Variants in ADAMTSL3 observed in about 807,000 individuals in gnomAD.
The protein encoded by ADAMTSL3 is ADAMTS-like protein 3.
ADAMTSL3 carries 128 observed loss-of-function variants against 201.7 expected under a neutral mutation model. The ratio of observed to expected loss-of-function variants is 0.63; its 90% CI spans 0.55 to 0.73. The LOEUF (loss-of-function observed/expected upper bound fraction) is 0.73, where lower values mean the gene tolerates loss of function less well. Among genes scored for constraint, ADAMTSL3 ranks in the 30% least tolerant of loss-of-function variants. The pLI is 0.00. For synonymous variants in ADAMTSL3, 738 were observed against 748.4 expected (o/e 0.99, Z 0.23); for missense variants, 1,990 against 2,119.6 (o/e 0.94, Z 1.20).
At chr15:84,036,579 A>G (rs1596563678) in intron 28 of ADAMTSL3, among the ~76,000 whole-genome samples, 194 bp from the exon 29 acceptor site, 2 of 152,192 alleles carry the variant, frequency 1.3e-5, no homozygotes, top group African/African-American at 4.8e-5. Flanking sequence ...ACTCCACCCC[A>G]GGTGGTGGAG....
intron 19 of ADAMTSL3, among the ~76,000 whole-genome samples, chr15:83,955,384 C>G (rs2066840184): frequency 6.6e-6 from 1 of 152,108 alleles, no homozygotes; most frequent in African/African-American, 2.4e-5. Flanking sequence ...GTGAATGCTG[C>G]CAAACCTGGG....
intron 3 of ADAMTSL3, among the ~76,000 whole-genome samples, chr15:83,773,062 C>T (rs2063010318): frequency 6.6e-6 from 1 of 152,126 alleles, no homozygotes; most frequent in African/African-American, 2.4e-5. Context: ...CATGTGTCAA[C>T]TGCTTTTCAT....
intron 9 of ADAMTSL3, 36 bp from the exon 10 acceptor site, chr15:83,885,065 G>T: frequency 6.9e-7 from 1 of 1,443,986 alleles, no homozygotes; most frequent in African/African-American, 1.4e-5. Flanking sequence ...CTAGCTCCTT[G>T]TTTGCACGTG....
At chr15:84,014,405 A>C (rs1292967116) in intron 23 of ADAMTSL3, 137 bp from the exon 24 acceptor site, 2 of 783,810 alleles carry the variant, frequency 2.6e-6, no homozygotes, top group African/African-American at 3.5e-5. Flanking sequence ...AGAAATAGAA[A>C]TAGCCATTTT....
chr15:83,945,129 A>C (rs1363104178), intron 19 of ADAMTSL3, among the ~76,000 whole-genome samples: 1 of 152,150 alleles, frequency 6.6e-6, no homozygotes, highest in East Asian at 1.9e-4. Context: ...AGATGAACCC[A>C]TCTCTCCAGG....
chr15:83,829,990 G>T (rs1447657933), intron 6 of ADAMTSL3, among the ~76,000 whole-genome samples: 1 of 152,196 alleles, frequency 6.6e-6, no homozygotes, highest in African/African-American at 2.4e-5. Context: ...GTGCTGAGAA[G>T]AATGTATATT....
At chr15:83,782,013 A>G (rs2063177626) in intron 4 of ADAMTSL3, among the ~76,000 whole-genome samples, 1 of 152,206 alleles carries the variant, frequency 6.6e-6, no homozygotes, top group African/African-American at 2.4e-5. Context: ...CAGTGTAGTG[A>G]CTGCTCAGAG....
chr15:84,037,943 C>T lies in ADAMTSL3; in HGVS notation c.*137C>T. The T allele has an allele frequency of 2.3e-6, 3 of 1,300,028 alleles. No individual in the cohort carries two copies. Among genetic ancestry groups the T allele is most frequent in the South Asian group, 3.5e-5 (2 of 57,218 alleles). 80.5% of individuals were successfully genotyped at this position (1,300,028 alleles called of 1,614,324 possible). A position where few individuals can be genotyped will look rare whatever the true frequency, so the allele number is the denominator to read the frequency against. On this transcript the variant is annotated 3_prime_UTR_variant, in exon 30 of 30. Coordinates refer to ENST00000286744, the MANE Select transcript of ADAMTSL3 (RefSeq NM_207517.3). ...GATCAAACAGAGGTTGATGCAAAAA[C>T]ACCACTGTTAAGGTGTAAAGTGAAA...
chr15:83,990,197 C>T (rs1215661792), intron 22 of ADAMTSL3, among the ~76,000 whole-genome samples: 1 of 152,104 alleles, frequency 6.6e-6, no homozygotes, highest in East Asian at 1.9e-4. Flanking sequence ...TTTGCCCAAG[C>T]ACACATATAG....
At chr15:83,971,969 T>A (rs2067206310) in intron 20 of ADAMTSL3, among the ~76,000 whole-genome samples, 1 of 150,446 alleles carries the variant, frequency 6.6e-6, no homozygotes, top group Non-Finnish European at 1.5e-5. Context: ...TACCAACACC[T>A]TTCCTGGAGA....
At chr15:83,873,167 G>T (rs1043346287) in intron 9 of ADAMTSL3, among the ~76,000 whole-genome samples, 2 of 144,000 alleles carry the variant, frequency 1.4e-5, no homozygotes, top group Non-Finnish European at 3.0e-5. Flanking sequence ...AGCCGGACGT[G>T]GTGGCACGCA....
chr15:83,771,350 G>A (rs1287380633), intron 3 of ADAMTSL3, among the ~76,000 whole-genome samples: 1 of 151,782 alleles, frequency 6.6e-6, no homozygotes, highest in Non-Finnish European at 1.5e-5. Context: ...GTACAGTATT[G>A]GTAATTATAA....
chr15:83,693,562 T>G (rs985912599), intron 2 of ADAMTSL3, among the ~76,000 whole-genome samples: 2 of 152,118 alleles, frequency 1.3e-5, no homozygotes, highest in Non-Finnish European at 2.9e-5. Context: ...AGATCCAACT[T>G]GTCAGTTTAG....
At chr15:83,743,997 C>A (rs181255515) in intron 3 of ADAMTSL3, among the ~76,000 whole-genome samples, 1 of 151,886 alleles carries the variant, frequency 6.6e-6, no homozygotes, top group Admixed American at 6.6e-5. Flanking sequence ...ACTACAGGTG[C>A]GTGCCACCAC....
chr15:83,995,080 G>T (rs1431928981), intron 23 of ADAMTSL3, among the ~76,000 whole-genome samples: 1 of 152,098 alleles, frequency 6.6e-6, no homozygotes. Flanking sequence ...GACCCACAGT[G>T]GCCAGGCCTT....
intron 15 of ADAMTSL3, among the ~76,000 whole-genome samples, chr15:83,912,409 G>A (rs1291075762): frequency 6.6e-6 from 1 of 152,132 alleles, no homozygotes; most frequent in Non-Finnish European, 1.5e-5. Context: ...TTCTCAGCTG[G>A]TAGGTTGTAC....
intron 10 of ADAMTSL3, among the ~76,000 whole-genome samples, chr15:83,887,247 A>C (rs1031981094): frequency 2.0e-5 from 3 of 152,070 alleles, no homozygotes; most frequent in Admixed American, 1.3e-4. Context: ...TGCCATCACT[A>C]TTTTTGCCAT....
Position 83,892,799 on chromosome 15 carries a change from T to C in ADAMTSL3, c.1378T>C (p.Trp460Arg). 1 of 1,614,108 alleles carries C rather than the reference T, an allele frequency of 6.2e-7. No individual in the cohort carries two copies. Among genetic ancestry groups the C allele is most frequent in the Non-Finnish European group, 8.5e-7 (1 of 1,180,004 alleles). ...MHGEILQVEE[W>R]KCMYAPKPKV... ...TGGAGAGATATTGCAGGTGGAAGAATGGAAGTGCATGTACGCACCCAAACC... is the reference window on the plus strand; with the variant it reads ...TGGAGAGATATTGCAGGTGGAAGAACGGAAGTGCATGTACGCACCCAAACC... Residue 460 changes from tryptophan (W) to arginine (R), a missense_variant, in exon 13 of 30, where the codon TGG becomes CGG. Transcript: ENST00000286744.
chr15:83,822,389 C>T (rs1421714472), intron 6 of ADAMTSL3, among the ~76,000 whole-genome samples: 1 of 150,270 alleles, frequency 6.7e-6, no homozygotes, highest in Non-Finnish European at 1.5e-5. Flanking sequence ...GGTCTCCTCA[C>T]TTCTCAGACG....
Sources: gnomAD v4.1 joint callset for allele counts (sites outside exome capture counted in the v4.1 genomes callset) on GRCh38, gnomAD v4.1.1 for gene constraint, MANE v1.5 for transcripts, NCBI Gene and HGNC (gene_info 2026-07-23, HGNC 2026-07-21) for gene names.